Variants in WLS observed in about 807,000 individuals in gnomAD.
WLS encodes protein wntless homolog.
A neutral mutation model predicts 62.8 loss-of-function variants in WLS; 23 were observed. The ratio of observed to expected loss-of-function variants is 0.37; its 90% CI spans 0.26 to 0.52. The LOEUF (loss-of-function observed/expected upper bound fraction) is 0.52, where lower values mean the gene tolerates loss of function less well. Among genes scored for constraint, WLS ranks in the 20% least tolerant of loss-of-function variants. The probability of loss-of-function intolerance (pLI) is 0.92; values close to 1 mark genes in which losing one functional copy is unlikely to be tolerated. For missense variants in WLS, 615 were observed against 697.3 expected (o/e 0.88, Z 1.33); for synonymous variants, 246 against 244.1 (o/e 1.01, Z -0.07).
At chr1:68,131,430 G>A (rs1343895309) in intron 11 of WLS, among the ~76,000 whole-genome samples, 1 of 151,950 alleles carries the variant, frequency 6.6e-6, no homozygotes, top group African/African-American at 2.4e-5. Flanking sequence ...GGATAGCTCA[G>A]CTTTGAGGAT....
At chr1:68,128,321 A>G (rs998115670) in intron 11 of WLS, among the ~76,000 whole-genome samples, 4 of 152,174 alleles carry the variant, frequency 2.6e-5, no homozygotes, top group Admixed American at 1.3e-4. Flanking sequence ...CATCTAGTCC[A>G]CACCTCAGTC....
At chr1:68,198,086 G>T (rs1211829638) in intron 1 of WLS, among the ~76,000 whole-genome samples, 2 of 152,134 alleles carry the variant, frequency 1.3e-5, no homozygotes, top group African/African-American at 2.4e-5. Flanking sequence ...ATATTACCCA[G>T]CTGCCTCAGC....
At chr1:68,153,842 A>G (rs1157947359) in intron 4 of WLS, among the ~76,000 whole-genome samples, 189 bp from the exon 5 acceptor site, 3 of 152,138 alleles carry the variant, frequency 2.0e-5, no homozygotes, top group Non-Finnish European at 4.4e-5. Flanking sequence ...ATAGAAATAC[A>G]TATTAAAAGA....
chr1:68,126,786 G>A (rs1475634855), intron 11 of WLS, among the ~76,000 whole-genome samples: 1 of 152,144 alleles, frequency 6.6e-6, no homozygotes, highest in Non-Finnish European at 1.5e-5. Flanking sequence ...GCCCACAAGA[G>A]AGCTGGCAAA....
intron 11 of WLS, among the ~76,000 whole-genome samples, chr1:68,120,289 G>T (rs1024380547): frequency 1.3e-5 from 2 of 152,176 alleles, no homozygotes; most frequent in African/African-American, 4.8e-5. Flanking sequence ...AATAATCCAA[G>T]GTCTGACTTG....
chr1:68,232,370 C>T lies in WLS; in HGVS notation c.-71G>A, dbSNP rs113130713. 2.6e-6 allele frequency: 4 copies of T among 1,553,196 alleles called. No homozygotes were observed. The highest frequency in any genetic ancestry group is 2.7e-5 in the African/African-American group (2 of 73,094). On this transcript the variant is annotated 5_prime_UTR_variant, in exon 1 of 12. Transcript: ENST00000262348. ...GGGTGAGCTTTTTGCTCCCTCCTCT[C>T]ACACACTCCCTCCTTCCTCGCCTCC...
At chr1:68,131,676 A>C (rs1646527151) in intron 11 of WLS, among the ~76,000 whole-genome samples, 1 of 152,054 alleles carries the variant, frequency 6.6e-6, no homozygotes, top group African/African-American at 2.4e-5. Flanking sequence ...TTACAGGCTG[A>C]ATTGTATCTC....
intron 3 of WLS, among the ~76,000 whole-genome samples, chr1:68,156,516 T>C (rs1247919500): frequency 2.6e-5 from 4 of 152,058 alleles, no homozygotes; most frequent in Non-Finnish European, 5.9e-5. Flanking sequence ...AACAGACCTT[T>C]GTACAGAGAC....
chr1:68,213,201 A>C (rs1268660658), intron 1 of WLS, among the ~76,000 whole-genome samples: 1 of 152,186 alleles, frequency 6.6e-6, no homozygotes, highest in African/African-American at 2.4e-5. Context: ...CTGTAATCCC[A>C]GCACTTTGGG....
intron 11 of WLS, among the ~76,000 whole-genome samples, chr1:68,102,488 CCA>C (rs1476059322): frequency 6.6e-6 from 1 of 152,122 alleles, no homozygotes; most frequent in Non-Finnish European, 1.5e-5. Context: ...TGTTTCTGCA[CCA>C]CAGACTCAAT....
At chr1:68,230,583 G>GTA (rs71833109) in intron 1 of WLS, among the ~76,000 whole-genome samples, 877 of 40,774 alleles carry the variant, frequency 0.022, 4 homozygotes, top group Middle Eastern at 0.1. Flanking sequence ...GTGTGTGTGT[G>GTA]CGCGCGTGTG....
chr1:68,201,381 GTTAA>G, intron 1 of WLS, among the ~76,000 whole-genome samples: 1 of 152,328 alleles, frequency 6.6e-6, no homozygotes, highest in Admixed American at 6.5e-5. Context: ...GATTCAGTGT[GTTAA>G]TTCTTTTACT....
chr1:68,220,428 G>A (rs12028757), intron 1 of WLS, among the ~76,000 whole-genome samples: 23,278 of 152,102 alleles, frequency 0.15, 2,221 homozygotes, highest in East Asian at 0.42. Flanking sequence ...GATGGAACTC[G>A]TTCTCTCATT....
chr1:68,163,241 T>G (rs546938230), intron 2 of WLS, among the ~76,000 whole-genome samples: 1 of 152,358 alleles, frequency 6.6e-6, no homozygotes, highest in African/African-American at 2.4e-5. Flanking sequence ...AATCTATAGT[T>G]CACACGATGG....
At chr1:68,133,063 A>G (rs5021989) in intron 11 of WLS, among the ~76,000 whole-genome samples, 11 of 53,078 alleles carry the variant, frequency 2.1e-4, no homozygotes, top group Admixed American at 5.6e-4. Flanking sequence ...AGCAACAGCA[A>G]CAGCAGCAGC....
chr1:68,137,710 CA>C, intron 11 of WLS, 69 bp downstream of exon 11: 1 of 1,521,550 alleles, frequency 6.6e-7, no homozygotes, highest in Non-Finnish European at 8.9e-7. Flanking sequence ...GAGCTTTAGC[CA>C]TTTAAATCTT....
intron 11 of WLS, among the ~76,000 whole-genome samples, chr1:68,120,027 C>A (rs1259154288): frequency 6.7e-6 from 1 of 150,314 alleles, no homozygotes; most frequent in Admixed American, 6.6e-5. Context: ...AAGGGGCTGT[C>A]CAGATGATAA....
At chr1:68,168,435 G>A (rs1016461482) in intron 2 of WLS, among the ~76,000 whole-genome samples, 1 of 152,130 alleles carries the variant, frequency 6.6e-6, no homozygotes. Flanking sequence ...TTTGCAGTAT[G>A]GAAACAGTGG....
chr1:68,183,224 C>T (rs201998674), intron 2 of WLS, among the ~76,000 whole-genome samples: 12 of 152,094 alleles, frequency 7.9e-5, no homozygotes, highest in Admixed American at 4.6e-4. Context: ...CAGGCTATAA[C>T]ATAGTCATAA....
Sources: allele counts gnomAD v4.1 joint callset (sites outside exome capture counted in the v4.1 genomes callset), GRCh38; gene constraint gnomAD v4.1.1; transcripts MANE v1.5; gene names NCBI Gene and HGNC (gene_info 2026-07-23, HGNC 2026-07-21).